MEX3C: variants seen among roughly 807,000 people sequenced by gnomAD.
The protein encoded by MEX3C is RNA-binding E3 ubiquitin-protein ligase MEX3C.
MEX3C carries 15 observed loss-of-function variants against 35.5 expected under a neutral mutation model. The ratio of observed to expected loss-of-function variants is 0.42; its 90% CI spans 0.28 to 0.65. The LOEUF (loss-of-function observed/expected upper bound fraction) is 0.65. Among genes scored for constraint, MEX3C ranks in the 30% least tolerant of loss-of-function variants. The pLI is 0.20. For synonymous variants in MEX3C, 390 were observed against 352.8 expected, an observed-to-expected ratio of 1.11 and a Z score of -1.18; for missense variants, 711 against 842.8, an observed-to-expected ratio of 0.84 and a Z score of 1.94.
At chr18:51,179,584 A>G (rs1568231955) in intron 1 of MEX3C, among the ~76,000 whole-genome samples, 1 of 145,806 alleles carries the variant, frequency 6.9e-6, no homozygotes. Context: ...GGAGCTCTAA[A>G]ACAAAATCGG....
At chr18:51,180,870 C>G (rs1912413336) in intron 1 of MEX3C, among the ~76,000 whole-genome samples, 1 of 152,196 alleles carries the variant, frequency 6.6e-6, no homozygotes, top group Non-Finnish European at 1.5e-5. Context: ...ATCCTAAACT[C>G]AGATTAGGGA....
At position 51,197,614 on chromosome 18, in the gene MEX3C, T is replaced by C. The variant is rs1389460148; in HGVS notation, c.-294A>G. On this transcript the variant is annotated 5_prime_UTR_variant, in exon 1 of 2. Transcript: ENST00000406189. The stretch of plus-strand genomic sequence containing the variant: ...GGCTCCCCTCTCAGTGTTTCTTTTG[T>C]TTCATGGCCTTAACCAGCCCCCGGC... Among the ~76,000 whole-genome samples the C allele has an allele frequency of 6.6e-6, 1 of 150,928 alleles. No individual in the cohort carries two copies. Among genetic ancestry groups the C allele is most frequent in the African/African-American group, 2.4e-5 (1 of 41,040 alleles).
rs1912793856 is a variant in MEX3C at position 51,196,577 on chromosome 18, G to A, written c.744C>T (p.Val248=). 2 of 1,587,914 alleles carry A rather than the reference G, an allele frequency of 1.3e-6. No individual in the cohort carries two copies. The highest frequency in any genetic ancestry group is 1.7e-6 in the Non-Finnish European group (2 of 1,173,238). The change falls in exon 1 of 2, where the codon GTC becomes GTT. Residue 248 remains valine, a synonymous_variant. Transcript: ENST00000406189. ...VPSSEHVAEI[V]GRQGCKIKAL... is the part of the protein sequence containing the mutation. Reference sequence around the variant, plus strand: ...CACCCCTGCACTCACCCTGGCGGCCGACGATCTCGGCGACGTGCTCGGAGC... The same window carrying A: ...CACCCCTGCACTCACCCTGGCGGCCAACGATCTCGGCGACGTGCTCGGAGC...
At position 51,174,980 on chromosome 18, in the gene MEX3C, A is replaced by AGT. The variant is rs1466522403; in HGVS notation, c.*1370_*1371insAC. ...CAATACTGACCATTTACTATCCTAC[A>AGT]AGCAATTAGCATTACATCATAATAT... On this transcript the variant is annotated 3_prime_UTR_variant, in exon 2 of 2. Transcript: ENST00000406189. The AGT allele has an allele frequency of 6.6e-6, 1 of 152,646 alleles. No individual in the cohort carries two copies. Among genetic ancestry groups the AGT allele is most frequent in the African/African-American group, 2.4e-5 (1 of 41,448 alleles). 9.5% of individuals were successfully genotyped at this position (152,646 alleles called of 1,614,324 possible). A position where few individuals can be genotyped will look rare whatever the true frequency, so the allele number is the denominator to read the frequency against.
At chr18:51,179,210 G>C (rs551563244) in intron 1 of MEX3C, among the ~76,000 whole-genome samples, 14 of 152,052 alleles carry the variant, frequency 9.2e-5, no homozygotes, top group Admixed American at 9.2e-4. Flanking sequence ...TCACCACGTT[G>C]GTCAGGCTGG....
intron 1 of MEX3C, among the ~76,000 whole-genome samples, chr18:51,180,821 A>AAACT (rs375876904): frequency 2.0e-5 from 3 of 152,164 alleles, no homozygotes; most frequent in African/African-American, 7.2e-5. Flanking sequence ...AAGACAGAGG[A>AAACT]AACTATTTCT....
intron 1 of MEX3C, among the ~76,000 whole-genome samples, chr18:51,188,007 C>A (rs1192826585): frequency 6.6e-6 from 1 of 152,134 alleles, no homozygotes. Context: ...TTCATGTACA[C>A]AACATTAATT....
Position 51,196,957 on chromosome 18 carries a change from C to T in MEX3C, c.364G>A (p.Gly122Arg), listed in dbSNP as rs554734713. The change falls in exon 1 of 2, where the codon GGA (glycine) becomes AGA (arginine). Residue 122 changes from glycine to arginine, a missense_variant. Physicochemically the swap from Gly to Arg is moderately radical, Grantham distance 125. Around this residue, in one of 4 missense-constraint regions of MEX3C, gnomAD observed 354 missense variants for 311.6 expected, o/e 1.14. Coordinates refer to ENST00000406189, the MANE Select transcript of MEX3C (RefSeq NM_016626.5). ...EEEGEEAELDGDLLEEEELEE... is the reference protein window; with the variant it reads ...EEEGEEAELDRDLLEEEELEE... ...AGCTCCTCCTCCTCCAGCAGGTCTC[C>T]GTCCAGCTCCGCTTCCTCCCCCTCC... 8.6e-5 allele frequency: 133 copies of T among 1,543,182 alleles called. No individual in the cohort carries two copies. The highest frequency in any genetic ancestry group is 1.1e-4 in the Non-Finnish European group (129 of 1,145,582).
rs1286736175 is a variant in MEX3C, at chr18:51,176,638, G to A, written c.1693C>T (p.Pro565Ser). Residue 565 changes from proline (P) to serine (S), a missense_variant, in exon 2 of 2, where the codon CCT becomes TCT. Coordinates refer to ENST00000406189, the MANE Select transcript of MEX3C (RefSeq NM_016626.5). The stretch of plus-strand genomic sequence containing the variant: ...AGGCCAACATGGTTGCCTGTACTAG[G>A]TGGGTCGCTCCTAACCCTCCGAGCA... ...PLARRVRSDP[P>S]STGNHVGLPI... 4 of 1,613,884 alleles carry A rather than the reference G, an allele frequency of 2.5e-6. No individual in the cohort carries two copies. In the African/African-American group the frequency reaches 5.3e-5, roughly 22 times the overall value.
chr18:51,192,069 G>T (rs986168557), intron 1 of MEX3C, among the ~76,000 whole-genome samples: 2 of 151,894 alleles, frequency 1.3e-5, no homozygotes, highest in African/African-American at 4.8e-5. Context: ...AAAAACTTAC[G>T]CTGTAAAGAA....
In MEX3C at chr18:51,186,835, T is replaced by C. The variant is rs1435053158; in HGVS notation, c.755-9259A>G. Among the ~76,000 whole-genome samples the C allele has an allele frequency of 2.6e-5, 4 of 152,358 alleles. No individual in the cohort carries two copies. In the East Asian group the frequency reaches 7.7e-4, roughly 29 times the overall value. ...TGTTTTCTAGAAACTAAACGCATTATGTTTTCCATTCATTTCATACATTAG... is the reference window on the plus strand; with the variant it reads ...TGTTTTCTAGAAACTAAACGCATTACGTTTTCCATTCATTTCATACATTAG... On this transcript the variant is annotated intron_variant, in intron 1 of 1. Transcript: ENST00000406189.
Position 51,177,332 on chromosome 18 carries a change from G to A in MEX3C, c.999C>T (p.Val333=), listed in dbSNP as rs149725148. The A allele has an allele frequency of 8.7e-6, 14 of 1,613,948 alleles. No individual in the cohort carries two copies. In the East Asian group the frequency reaches 2.2e-4, roughly 26 times the overall value. ...LPGQTTVQVR[V]PYRVVGLVVG... is the part of the protein sequence containing the mutation. Reference sequence around the variant, plus strand: ...CCACTAATCCTACCACACGATAAGGGACCCTGACTTGGACGGTGGTTTGAC... The same window carrying A: ...CCACTAATCCTACCACACGATAAGGAACCCTGACTTGGACGGTGGTTTGAC... The change falls in exon 2 of 2, where the codon GTC becomes GTT. Residue 333 remains valine, a synonymous_variant. Coordinates refer to ENST00000406189, the MANE Select transcript of MEX3C (RefSeq NM_016626.5). The surrounding 1 kb of genome is among the most constrained non-coding windows in gnomAD (Gnocchi z 4.2).
chr18:51,192,166 G>T (rs1893379), intron 1 of MEX3C, among the ~76,000 whole-genome samples: 2 of 151,736 alleles, frequency 1.3e-5, no homozygotes, highest in African/African-American at 4.8e-5. Context: ...TTGGTTCCCT[G>T]GATCATTTTC....
At chr18:51,187,703 C>T (rs151255044) in intron 1 of MEX3C, among the ~76,000 whole-genome samples, 2,456 of 151,756 alleles carry the variant, frequency 0.016, 68 homozygotes, top group African/African-American at 0.056. Context: ...AGCGAAACTC[C>T]GTCTCAAAAA....
chr18:51,192,510 A>G (rs1188871407), intron 1 of MEX3C, among the ~76,000 whole-genome samples: 1 of 152,216 alleles, frequency 6.6e-6, no homozygotes, highest in East Asian at 1.9e-4. Context: ...GAACTATATT[A>G]CAATTAAAAC....
In MEX3C at chr18:51,196,534, T is replaced by C. The variant is rs995876713; in HGVS notation, c.754+33A>G. 2.6e-6 allele frequency: 4 copies of C among 1,540,788 alleles called. No homozygotes were observed. In the Admixed American group the frequency reaches 5.8e-5, roughly 22 times the overall value. On this transcript the variant is annotated intron_variant, in intron 1 of 1. Coordinates refer to ENST00000406189, the MANE Select transcript of MEX3C (RefSeq NM_016626.5). ...GTCTCCCCACCCACGCCCGGGGCCA[T>C]GCCCAGCTGGACCTCCCCACCCCTG...
rs776987878 is a variant in MEX3C, at chr18:51,196,529, G to T, written c.754+38C>A. 4.6e-6 allele frequency: 7 copies of T among 1,534,138 alleles called. No homozygotes were observed. In the Middle Eastern group the frequency reaches 6.5e-4, roughly 143 times the overall value. ...CTCTCGTCTCCCCACCCACGCCCGG[G>T]GCCATGCCCAGCTGGACCTCCCCAC... is the stretch of plus-strand genomic sequence containing the variant. On this transcript the variant is annotated intron_variant, in intron 1 of 1. Transcript: ENST00000406189.
At position 51,196,940 on chromosome 18, in the gene MEX3C, C is replaced by G. The variant is rs1023723876; in HGVS notation, c.381G>C (p.Glu127Asp). The change falls in exon 1 of 2, where the codon GAG becomes GAC. Residue 127 changes from glutamate (E) to aspartate (D), a missense_variant. Around this residue, in one of 4 missense-constraint regions of MEX3C, gnomAD observed 354 missense variants for 311.6 expected, o/e 1.14. Transcript: ENST00000406189. ...EAELDGDLLE[E>D]EELEEAEEED... ...CCTCCTCTGCTTCCTCCAGCTCCTC[C>G]TCCTCCAGCAGGTCTCCGTCCAGCT... 1.9e-6 allele frequency: 3 copies of G among 1,544,262 alleles called. No homozygotes were observed. Among genetic ancestry groups the G allele is most frequent in the Non-Finnish European group, 2.6e-6 (3 of 1,145,954 alleles).
At position 51,196,589 on chromosome 18, in the gene MEX3C, G is replaced by A. The variant is rs758089078; in HGVS notation, c.732C>T (p.Val244=). Residue 244 remains valine, a synonymous_variant, in exon 1 of 2, where the codon GTC becomes GTT. Coordinates refer to ENST00000406189, the MANE Select transcript of MEX3C (RefSeq NM_016626.5). ...ECVPVPSSEH[V]AEIVGRQGCK... is the part of the protein sequence containing the mutation. ...CACCCTGGCGGCCGACGATCTCGGC[G>A]ACGTGCTCGGAGCTGGGCACCGGGA... is the stretch of plus-strand genomic sequence containing the variant. 1.8e-5 allele frequency: 28 copies of A among 1,591,730 alleles called. No individual in the cohort carries two copies. Among genetic ancestry groups the A allele is most frequent in the South Asian group, 2.3e-5 (2 of 88,860 alleles).
Sources: gnomAD v4.1 joint callset for allele counts (sites outside exome capture counted in the v4.1 genomes callset) on GRCh38, gnomAD v4.1.1 for gene constraint, gnomAD v4.1.1 regional missense constraint, Gnocchi (gnomAD v3.1) non-coding constraint, MANE v1.5 for transcripts, NCBI Gene and HGNC (gene_info 2026-07-23, HGNC 2026-07-21) for gene names.